FILIP1: variants seen among roughly 807,000 people sequenced by gnomAD.
The protein encoded by FILIP1 is filamin A interacting protein 1, also known as filamin-A-interacting protein 1.
Under a neutral mutation model 102.1 loss-of-function variants are expected in FILIP1, and 61 were observed. That is an observed-to-expected ratio of 0.60 (90% CI 0.49 to 0.74). The LOEUF is 0.74. FILIP1 is among the 30% of genes least tolerant of loss of function. The pLI, the probability that FILIP1 is intolerant of heterozygous loss-of-function variation, is 0.00. For synonymous variants in FILIP1, 491 were observed against 526.9 expected, an observed-to-expected ratio of 0.93 and a Z score of 0.93; for missense variants, 1,314 against 1,441.2, an observed-to-expected ratio of 0.91 and a Z score of 1.43.
chr6:75,376,648 G>C (rs1775762438), intron 2 of FILIP1, among the ~76,000 whole-genome samples: 1 of 151,930 alleles, frequency 6.6e-6, no homozygotes, highest in South Asian at 2.1e-4. Context: ...TGATCCACTG[G>C]GCAACATAAC....
At chr6:75,330,778 C>A (rs978020336) in intron 4 of FILIP1, among the ~76,000 whole-genome samples, 1 of 152,092 alleles carries the variant, frequency 6.6e-6, no homozygotes, top group Non-Finnish European at 1.5e-5. Context: ...TTTTATTTTT[C>A]ATCAGATTTC....
At chr6:75,420,444 A>G (rs1250249070) in intron 1 of FILIP1, among the ~76,000 whole-genome samples, 1 of 152,136 alleles carries the variant, frequency 6.6e-6, no homozygotes, top group Non-Finnish European at 1.5e-5. Flanking sequence ...CAACATTTTA[A>G]TTAAAATCCC....
intron 1 of FILIP1, among the ~76,000 whole-genome samples, chr6:75,477,267 G>C (rs889188045): frequency 1.3e-5 from 2 of 152,228 alleles, no homozygotes; most frequent in East Asian, 3.9e-4. Context: ...GTTACCGGAC[G>C]CTTGGAGTTG....
intron 1 of FILIP1, among the ~76,000 whole-genome samples, chr6:75,455,628 A>T (rs1012334814): frequency 6.6e-6 from 1 of 152,186 alleles, no homozygotes; most frequent in African/African-American, 2.4e-5. Context: ...GAGATAACTG[A>T]ACCCAATCAA....
At chr6:75,433,448 T>C (rs145967903) in intron 1 of FILIP1, among the ~76,000 whole-genome samples, 1,886 of 152,370 alleles carry the variant, frequency 0.012, 35 homozygotes, top group African/African-American at 0.042. Context: ...CATTTTTTCA[T>C]GTGTCTTTTG....
At chr6:75,341,183 CAG>C (rs1214395977) in intron 4 of FILIP1, among the ~76,000 whole-genome samples, 1 of 148,374 alleles carries the variant, frequency 6.7e-6, no homozygotes, top group African/African-American at 2.5e-5. Context: ...TTTTTTGAGA[CAG>C]GGTCTCACTC....
At chr6:75,399,756 ATAT>A (rs1776591176) in intron 2 of FILIP1, among the ~76,000 whole-genome samples, 1 of 152,152 alleles carries the variant, frequency 6.6e-6, no homozygotes, top group Admixed American at 6.6e-5. Flanking sequence ...ATCCTGGCAT[ATAT>A]TAGGCAGCAC....
At chr6:75,448,854 G>A (rs1421028542) in intron 1 of FILIP1, among the ~76,000 whole-genome samples, 1 of 151,920 alleles carries the variant, frequency 6.6e-6, no homozygotes, top group Non-Finnish European at 1.5e-5. Context: ...GTGTGGATGT[G>A]GTGGGATACA....
At chr6:75,413,036 G>T (rs1327631107) in intron 2 of FILIP1, among the ~76,000 whole-genome samples, 1 of 152,108 alleles carries the variant, frequency 6.6e-6, no homozygotes, top group Non-Finnish European at 1.5e-5. Context: ...TCAGAAGTGT[G>T]AGTTTATATT....
chr6:75,328,812 C>T (rs1356451520), intron 4 of FILIP1, among the ~76,000 whole-genome samples: 1 of 152,054 alleles, frequency 6.6e-6, no homozygotes, highest in Non-Finnish European at 1.5e-5. Flanking sequence ...AAAAAATCTC[C>T]TTTGTAATAT....
At chr6:75,460,209 T>A (rs554422414) in intron 1 of FILIP1, among the ~76,000 whole-genome samples, 2 of 152,312 alleles carry the variant, frequency 1.3e-5, no homozygotes, top group East Asian at 3.9e-4. Context: ...TCAGGAAGTG[T>A]GAGGCATGAT....
intron 5 of FILIP1, among the ~76,000 whole-genome samples, chr6:75,310,634 T>G (rs1270929175): frequency 1.3e-5 from 2 of 152,228 alleles, no homozygotes; most frequent in African/African-American, 2.4e-5. Flanking sequence ...GCTACCTTGA[T>G]CTGACACTTA....
intron 4 of FILIP1, among the ~76,000 whole-genome samples, chr6:75,336,508 A>G (rs1229412859): frequency 1.3e-5 from 2 of 148,340 alleles, no homozygotes; most frequent in Admixed American, 6.7e-5. Context: ...AACCCATGTG[A>G]AAAAAAAAAG....
chr6:75,481,316 A>G (rs937092695), intron 1 of FILIP1, among the ~76,000 whole-genome samples: 1 of 152,246 alleles, frequency 6.6e-6, no homozygotes, highest in African/African-American at 2.4e-5. Flanking sequence ...TATTTGGTGA[A>G]TGAGTAAATT....
chr6:75,376,612 T>C (rs913591066), intron 2 of FILIP1, among the ~76,000 whole-genome samples: 1 of 152,156 alleles, frequency 6.6e-6, no homozygotes, highest in South Asian at 2.1e-4. Flanking sequence ...CTCCTTTTTC[T>C]TTTTTTCTGA....
chr6:75,353,497 T>A (rs776084913), intron 4 of FILIP1, 42 bp downstream of exon 4: 1 of 1,608,102 alleles, frequency 6.2e-7, no homozygotes, highest in Non-Finnish European at 8.5e-7. Flanking sequence ...ATGAAAGGGC[T>A]ATGGGCATCC....
At chr6:75,424,835 C>A (rs1186750282) in intron 1 of FILIP1, among the ~76,000 whole-genome samples, 1 of 152,144 alleles carries the variant, frequency 6.6e-6, no homozygotes, top group East Asian at 1.9e-4. Flanking sequence ...TTAAATACAG[C>A]ACAGATCACC....
chr6:75,324,913 C>T (rs1200411075), intron 4 of FILIP1, among the ~76,000 whole-genome samples: 1 of 152,146 alleles, frequency 6.6e-6, no homozygotes, highest in Non-Finnish European at 1.5e-5. Flanking sequence ...TGATCCTCAT[C>T]TCACCTTATA....
At chr6:75,401,666 C>T (rs1336082429) in intron 2 of FILIP1, among the ~76,000 whole-genome samples, 1 of 152,040 alleles carries the variant, frequency 6.6e-6, no homozygotes, top group Non-Finnish European at 1.5e-5. Context: ...AGAACATTTC[C>T]TTCTTCAAAT....
Sources: gnomAD v4.1 joint callset for allele counts (sites outside exome capture counted in the v4.1 genomes callset) on GRCh38, gnomAD v4.1.1 for gene constraint, MANE v1.5 for transcripts, NCBI Gene and HGNC (gene_info 2026-07-23, HGNC 2026-07-21) for gene names.